CDC42BPA: variants seen among roughly 807,000 people sequenced by gnomAD.
The protein encoded by CDC42BPA is CDC42 binding protein kinase alpha.
A neutral mutation model predicts 223.5 loss-of-function variants in CDC42BPA; 80 were observed. The ratio of observed to expected loss-of-function variants is 0.36; its 90% CI spans 0.30 to 0.43. The LOEUF is 0.43. Ranked by LOEUF, CDC42BPA falls within the 20% of genes least tolerant of loss-of-function variation. The probability of loss-of-function intolerance (pLI) is 1.00; values close to 1 mark genes in which losing one functional copy is unlikely to be tolerated. For missense variants in CDC42BPA, 1,743 were observed against 2,099.9 expected, an observed-to-expected ratio of 0.83 and a Z score of 3.32; for synonymous variants, 694 against 718.6, an observed-to-expected ratio of 0.97 and a Z score of 0.55.
chr1:227,281,901 G>A (rs962185497), intron 1 of CDC42BPA, among the ~76,000 whole-genome samples: 9 of 152,108 alleles, frequency 5.9e-5, no homozygotes, highest in Non-Finnish European at 1.3e-4. Context: ...TAATTAAAAG[G>A]AAGAGAAGCC....
chr1:227,131,890 G>A (rs1657177692), intron 10 of CDC42BPA, among the ~76,000 whole-genome samples: 1 of 152,102 alleles, frequency 6.6e-6, no homozygotes, highest in South Asian at 2.1e-4. Context: ...CAGATTAACT[G>A]GCCACATCCT....
chr1:227,168,700 T>C (rs1665572786), intron 5 of CDC42BPA, among the ~76,000 whole-genome samples: 1 of 152,066 alleles, frequency 6.6e-6, no homozygotes, highest in Non-Finnish European at 1.5e-5. Flanking sequence ...GGTTTCACCG[T>C]GTTAGCCAGG....
intron 1 of CDC42BPA, among the ~76,000 whole-genome samples, chr1:227,301,948 CTTCA>C (rs1691706881): frequency 6.6e-6 from 1 of 151,940 alleles, no homozygotes; most frequent in Non-Finnish European, 1.5e-5. Context: ...TTCTCATTTG[CTTCA>C]TTTCCTAAGC....
chr1:227,244,623 T>C (rs1180742197), intron 2 of CDC42BPA, among the ~76,000 whole-genome samples: 3 of 152,142 alleles, frequency 2.0e-5, no homozygotes, highest in Admixed American at 1.3e-4. Context: ...GGTAGCAGAA[T>C]AGAAGCCTAC....
chr1:226,997,032 G>GT (rs1413014493), intron 35 of CDC42BPA, among the ~76,000 whole-genome samples: 8 of 152,216 alleles, frequency 5.3e-5, no homozygotes, highest in Non-Finnish European at 1.0e-4. Flanking sequence ...AGAAGGAATG[G>GT]TATCAGCTCC....
In CDC42BPA at chr1:227,317,558, T is replaced by C; in HGVS notation, c.-376A>G. ...TCTCCTTCATTCAAAATTCAACTCG[T>C]GCAACGTAATCCTGAAACGAATCCG... On this transcript the variant is annotated 5_prime_UTR_variant, in exon 1 of 37. Coordinates refer to ENST00000366766, the MANE Select transcript of CDC42BPA (RefSeq NM_001394014.1). The C allele has an allele frequency of 5.0e-6, 2 of 396,582 alleles. No individual in the cohort carries two copies. Among genetic ancestry groups the C allele is most frequent in the Non-Finnish European group, 8.9e-6 (2 of 225,904 alleles). 24.6% of individuals were successfully genotyped at this position (396,582 alleles called of 1,614,324 possible).
intron 34 of CDC42BPA, among the ~76,000 whole-genome samples, chr1:227,014,047 T>C (rs1665737164): frequency 1.3e-5 from 2 of 152,080 alleles, no homozygotes; most frequent in African/African-American, 4.8e-5. Flanking sequence ...AAAAACAACA[T>C]GCTTTGGACT....
intron 2 of CDC42BPA, among the ~76,000 whole-genome samples, chr1:227,217,463 A>AG (rs2150405475): frequency 6.6e-6 from 1 of 151,778 alleles, no homozygotes; most frequent in East Asian, 1.9e-4. Flanking sequence ...AAAAAAGAAA[A>AG]GAAAAAAAAG....
chr1:227,216,127 TATATATAC>T (rs1490256114), intron 2 of CDC42BPA, among the ~76,000 whole-genome samples: 1 of 137,340 alleles, frequency 7.3e-6, no homozygotes, highest in East Asian at 2.2e-4. Context: ...TCTCTATATA[TATATATAC>T]ACACACACAC....
intron 1 of CDC42BPA, among the ~76,000 whole-genome samples, chr1:227,263,293 A>G (rs1164457108): frequency 1.3e-5 from 2 of 152,222 alleles, no homozygotes; most frequent in East Asian, 3.8e-4. Context: ...TGTAGTTTAC[A>G]TAATATAGTA....
intron 21 of CDC42BPA, among the ~76,000 whole-genome samples, chr1:227,065,839 A>G (rs1676924845): frequency 6.6e-6 from 1 of 152,164 alleles, no homozygotes; most frequent in Admixed American, 6.5e-5. Context: ...ATATGTTGAT[A>G]CCAAAGGACT....
chr1:227,183,201 CAT>C (rs780583162), intron 5 of CDC42BPA: 1 of 152,182 alleles, frequency 6.6e-6, no homozygotes, highest in Non-Finnish European at 1.5e-5. Flanking sequence ...TAAAAATGTA[CAT>C]GTGTGTACAT....
chr1:227,277,840 C>T (rs1397847623), intron 1 of CDC42BPA, among the ~76,000 whole-genome samples: 1 of 152,170 alleles, frequency 6.6e-6, no homozygotes, highest in Admixed American at 6.5e-5. Context: ...AGCTCCACCT[C>T]CATGGTTCAC....
At chr1:227,159,817 T>C (rs970246442) in intron 6 of CDC42BPA, among the ~76,000 whole-genome samples, 7 of 152,010 alleles carry the variant, frequency 4.6e-5, no homozygotes, top group Non-Finnish European at 8.8e-5. Context: ...TGAGCCACCA[T>C]GCCCAGCCTT....
intron 34 of CDC42BPA, chr1:227,010,947 A>G: frequency 7.3e-7 from 1 of 1,365,126 alleles, no homozygotes; most frequent in Non-Finnish European, 9.8e-7. Flanking sequence ...GGTTTATGGA[A>G]TCAGGAGAGA....
chr1:227,147,625 A>C (rs932932216), intron 6 of CDC42BPA, 66 bp from the exon 7 acceptor site: 1 of 848,564 alleles, frequency 1.2e-6, no homozygotes, highest in African/African-American at 1.7e-5. Flanking sequence ...TAGTTACTTA[A>C]GATACACAAT....
At position 227,145,566 on chromosome 1, in the gene CDC42BPA, C is replaced by T; in HGVS notation, c.1066G>A (p.Ala356Thr). The change falls in exon 8 of 37, where the codon GCA becomes ACA. Residue 356 changes from alanine to threonine, a missense_variant. Physicochemically the swap from Ala to Thr is moderately conservative, Grantham distance 58 (BLOSUM62 0). Transcript: ENST00000366766. ...IDWDNIRNCE[A>T]PYIPEVSSPT... ...CTACTAACTTCTGGAATATAAGGTGCTTCACAGTTCCGAATATTATCCCAA... is the reference window on the plus strand; with the variant it reads ...CTACTAACTTCTGGAATATAAGGTGTTTCACAGTTCCGAATATTATCCCAA... 2 of 1,613,416 alleles carry T rather than the reference C, an allele frequency of 1.2e-6. No homozygotes were observed. Among genetic ancestry groups the T allele is most frequent in the South Asian group, 1.1e-5 (1 of 91,060 alleles).
chr1:227,236,108 G>T (rs552547924), intron 2 of CDC42BPA, among the ~76,000 whole-genome samples: 1 of 152,236 alleles, frequency 6.6e-6, no homozygotes, highest in Admixed American at 6.5e-5. Context: ...GTGATTCTGT[G>T]AATGAACATT....
intron 6 of CDC42BPA, among the ~76,000 whole-genome samples, chr1:227,150,847 ACCT>A (rs1661606036): frequency 7.6e-6 from 1 of 131,996 alleles, no homozygotes; most frequent in Non-Finnish European, 1.6e-5. Context: ...CACCCACTTT[ACCT>A]CCCTGAAAAA....
Sources: gnomAD v4.1 joint callset for allele counts (sites outside exome capture counted in the v4.1 genomes callset) on GRCh38, gnomAD v4.1.1 for gene constraint, MANE v1.5 for transcripts, NCBI Gene and HGNC (gene_info 2026-07-23, HGNC 2026-07-21) for gene names.